PID1: variants seen among roughly 807,000 people sequenced by gnomAD.
PID1 encodes the protein PTB-containing, cubilin and LRP1-interacting protein.
Under a neutral mutation model 19.1 loss-of-function variants are expected in PID1, and 10 were observed. The ratio of observed to expected loss-of-function variants is 0.52; its 90% CI spans 0.32 to 0.89. The LOEUF (loss-of-function observed/expected upper bound fraction) is 0.89, where lower values mean the gene tolerates loss of function less well. Ranked by LOEUF, PID1 falls within the 40% of genes least tolerant of loss-of-function variation. PID1 has a pLI of 0.03. For synonymous variants in PID1, 130 were observed against 116.0 expected, an observed-to-expected ratio of 1.12 and a Z score of -0.78; for missense variants, 248 against 285.3, an observed-to-expected ratio of 0.87 and a Z score of 0.94.
chr2:229,231,634 AC>A (rs1305202311), intron 1 of PID1, among the ~76,000 whole-genome samples: 1 of 152,106 alleles, frequency 6.6e-6, no homozygotes, highest in Non-Finnish European at 1.5e-5. Flanking sequence ...CAAGGCTAAA[AC>A]CAAATGTGTG....
intron 2 of PID1, among the ~76,000 whole-genome samples, chr2:229,040,763 C>T (rs773183202): frequency 1.3e-5 from 2 of 152,170 alleles, no homozygotes; most frequent in African/African-American, 2.4e-5. Flanking sequence ...GACAGAAAAA[C>T]TATAAACCAT....
At chr2:229,045,184 C>T (rs13016137) in intron 2 of PID1, among the ~76,000 whole-genome samples, 84,178 of 152,082 alleles carry the variant, frequency 0.55, 24,324 homozygotes, top group African/African-American at 0.72. Flanking sequence ...CAACTCCTGA[C>T]TTCAAATGAT....
chr2:229,200,272 C>T (rs1402472441), intron 1 of PID1, among the ~76,000 whole-genome samples: 4 of 152,030 alleles, frequency 2.6e-5, no homozygotes, highest in Non-Finnish European at 4.4e-5. Context: ...AGGCACATCG[C>T]TTTGCCTCTC....
intron 1 of PID1, among the ~76,000 whole-genome samples, chr2:229,249,237 A>G (rs1418981379): frequency 4.0e-5 from 6 of 148,330 alleles, no homozygotes; most frequent in Non-Finnish European, 1.5e-5. Context: ...GAAAATCCAG[A>G]ACACATTTCA....
chr2:229,206,353 G>C (rs2106245328), intron 1 of PID1, among the ~76,000 whole-genome samples: 1 of 151,494 alleles, frequency 6.6e-6, no homozygotes. Context: ...GAAATATTCT[G>C]CCCAAGAGTT....
rs186990050 is a variant in PID1, at chr2:229,076,385, T to G, written c.178-50277A>C. ...TGTGAAACTCTTTCTTGGGTTTTTG[T>G]TTTTTTTTTACTTTTTTTATGATTA... On this transcript the variant is annotated intron_variant, in intron 2 of 2. Transcript: ENST00000392055. 3.2e-3 allele frequency among the ~76,000 whole-genome samples: 479 copies of G among 148,056 alleles called. 3 individuals are homozygous for G. The highest frequency in any genetic ancestry group is 8.6e-3 in the African/African-American group (348 of 40,484).
chr2:229,155,703 T>A, intron 2 of PID1, 115 bp downstream of exon 2: 1 of 966,548 alleles, frequency 1.0e-6, no homozygotes, highest in Non-Finnish European at 1.5e-6. Flanking sequence ...ATTTTGTTGG[T>A]CATTTTATAT....
chr2:229,153,096 T>C (rs929425881), intron 2 of PID1, among the ~76,000 whole-genome samples: 1 of 152,116 alleles, frequency 6.6e-6, no homozygotes, highest in Non-Finnish European at 1.5e-5. Context: ...TTGAAGATGA[T>C]CAGAAAAAAT....
chr2:229,103,609 G>C (rs1385646250), intron 2 of PID1, among the ~76,000 whole-genome samples: 1 of 122,770 alleles, frequency 8.1e-6, no homozygotes, highest in African/African-American at 3.2e-5. Context: ...ACAGAGTCTC[G>C]CTCTGTCACC....
At chr2:229,167,743 T>C (rs746850083) in intron 1 of PID1, among the ~76,000 whole-genome samples, 4 of 152,208 alleles carry the variant, frequency 2.6e-5, no homozygotes, top group Non-Finnish European at 5.9e-5. Flanking sequence ...CTGGTTTTTA[T>C]TCTACTATGA....
At chr2:229,130,018 C>A (rs1314468818) in intron 2 of PID1, among the ~76,000 whole-genome samples, 1 of 152,202 alleles carries the variant, frequency 6.6e-6, no homozygotes, top group Non-Finnish European at 1.5e-5. Context: ...AAACATTTCT[C>A]AAGGACACTT....
chr2:229,268,549 T>C (rs12471883), intron 1 of PID1, among the ~76,000 whole-genome samples: 33,241 of 152,238 alleles, frequency 0.22, 4,246 homozygotes, highest in Non-Finnish European at 0.28. Flanking sequence ...TGGGAATGTT[T>C]CCTTGACGAA....
chr2:229,129,162 G>A (rs1163486378), intron 2 of PID1, among the ~76,000 whole-genome samples: 4 of 152,154 alleles, frequency 2.6e-5, no homozygotes, highest in East Asian at 1.9e-4. Context: ...CCCAAGCCCC[G>A]CTGTCTCCAA....
rs1695404403 is a variant in PID1, at chr2:229,116,033, C to T, written c.177+39785G>A. On this transcript the variant is annotated intron_variant, in intron 2 of 2. Coordinates refer to ENST00000392055, the MANE Select transcript of PID1 (RefSeq NM_001100818.2). ...CAGGAGATGGAGACGACCATCCTGG[C>T]TAACACGGTAAAACCCCGTCTCTAC... Among the ~76,000 whole-genome samples, 3 of 152,108 alleles carry T rather than the reference C, an allele frequency of 2.0e-5. No individual in the cohort carries two copies. The South Asian group carries it at 6.2e-4, about 32-fold the overall frequency.
chr2:229,120,424 T>G (rs960352493), intron 2 of PID1, among the ~76,000 whole-genome samples: 2 of 152,038 alleles, frequency 1.3e-5, no homozygotes, highest in Non-Finnish European at 2.9e-5. Flanking sequence ...AGTCAAAGTG[T>G]GCCAACATAA....
intron 2 of PID1, among the ~76,000 whole-genome samples, chr2:229,105,275 G>C (rs1274639552): frequency 2.6e-5 from 4 of 152,166 alleles, no homozygotes; most frequent in African/African-American, 9.7e-5. Flanking sequence ...ACTTCACTCA[G>C]ACCAGCGCCA....
intron 2 of PID1, among the ~76,000 whole-genome samples, chr2:229,120,588 A>G (rs922593826): frequency 2.7e-5 from 4 of 149,606 alleles, no homozygotes; most frequent in African/African-American, 9.8e-5. Flanking sequence ...TCAAGGGTCA[A>G]CTGTGTATAT....
At chr2:229,043,986 A>G (rs1183218679) in intron 2 of PID1, among the ~76,000 whole-genome samples, 3 of 152,220 alleles carry the variant, frequency 2.0e-5, no homozygotes, top group African/African-American at 7.2e-5. Context: ...GGCCCCTTCC[A>G]TATTTCAGGA....
chr2:229,225,583 C>A (rs1296155300), intron 1 of PID1, among the ~76,000 whole-genome samples: 1 of 151,240 alleles, frequency 6.6e-6, no homozygotes, highest in Non-Finnish European at 1.5e-5. Context: ...AAAACCAAGG[C>A]TCTACTGAAC....
Sources: allele counts gnomAD v4.1 joint callset (sites outside exome capture counted in the v4.1 genomes callset), GRCh38; gene constraint gnomAD v4.1.1; transcripts MANE v1.5; gene names NCBI Gene and HGNC (gene_info 2026-07-23, HGNC 2026-07-21).